The following SPTA1 variants were observed in gnomAD, a reference collection of about 807,000 sequenced individuals.
SPTA1 encodes the protein spectrin alpha chain, erythrocytic 1.
A neutral mutation model predicts 324.7 loss-of-function variants in SPTA1; 177 were observed. The observed-to-expected ratio is 0.55, with a 90% CI of 0.48 to 0.62. SPTA1 has a LOEUF of 0.62. SPTA1 is among the 20% of genes least tolerant of loss of function. SPTA1 has a pLI of 0.00. For synonymous variants in SPTA1, 1,195 were observed against 1,041.3 expected, an observed-to-expected ratio of 1.15 and a Z score of -2.84; for missense variants, 3,162 against 2,883.6, an observed-to-expected ratio of 1.10 and a Z score of -2.21.
chr1:158,613,106 T>A, intron 50 of SPTA1, 145 bp from the exon 51 acceptor site: 1 of 865,558 alleles, frequency 1.2e-6, no homozygotes. Flanking sequence ...ATGAGATGGG[T>A]TATGCTCTCC....
intron 39 of SPTA1, 92 bp downstream of exon 39, chr1:158,634,451 A>G: frequency 2.0e-6 from 3 of 1,536,094 alleles, no homozygotes; most frequent in Non-Finnish European, 2.7e-6. Context: ...TCACCAGAAA[A>G]ATGTCCTAAT....
At chr1:158,679,462 G>A (rs1251096258) in intron 5 of SPTA1, among the ~76,000 whole-genome samples, 1 of 152,034 alleles carries the variant, frequency 6.6e-6, no homozygotes, top group Non-Finnish European at 1.5e-5. Context: ...ATGAGTTCCA[G>A]CACCTAGGCC....
chr1:158,627,031 A>C lies in SPTA1; in HGVS notation c.5665-24T>G, dbSNP rs41273521. ...ACCTGTGAGAAGGGGAGAGACAAAT[A>C]TATTTATAATGTGCAGGGCTGGAAA... On this transcript the variant is annotated intron_variant, in intron 40 of 51. Coordinates refer to ENST00000643759, the MANE Select transcript of SPTA1 (RefSeq NM_003126.4). The C allele has an allele frequency of 1.8e-5, 29 of 1,613,158 alleles. 1 individual carries two copies. In the Middle Eastern group the frequency reaches 1.8e-3, roughly 101 times the overall value.
intron 38 of SPTA1, 25 bp downstream of exon 38, chr1:158,635,888 A>T: frequency 5.0e-6 from 8 of 1,614,088 alleles, no homozygotes; most frequent in Non-Finnish European, 5.9e-6. Flanking sequence ...CAGGAAGGGA[A>T]CTGGGCCTTC....
intron 42 of SPTA1, 105 bp downstream of exon 42, chr1:158,626,039 CAG>C: frequency 1.1e-6 from 1 of 907,320 alleles, no homozygotes; most frequent in Non-Finnish European, 1.8e-6. Flanking sequence ...GAAAATCTTA[CAG>C]AGGCTACAGA....
chr1:158,650,014 G>A (rs555425662), intron 24 of SPTA1, 67 bp from the exon 25 acceptor site: 3 of 1,041,872 alleles, frequency 2.9e-6, no homozygotes, highest in Non-Finnish European at 4.5e-6. Context: ...GGCGTCTGAA[G>A]ACCAGACAAG....
intron 12 of SPTA1, 54 bp downstream of exon 12, chr1:158,671,288 TA>T (rs2101914215): frequency 2.3e-6 from 3 of 1,323,992 alleles, no homozygotes; most frequent in East Asian, 2.3e-5. Context: ...AGGTATTGTG[TA>T]AAATTATGTA....
chr1:158,665,391 A>C (rs1653519392), intron 16 of SPTA1, among the ~76,000 whole-genome samples: 1 of 151,906 alleles, frequency 6.6e-6, no homozygotes, highest in African/African-American at 2.4e-5. Flanking sequence ...TTTTCCATTT[A>C]ACTCAGAGTG....
At chr1:158,645,419 C>T in intron 28 of SPTA1, 34 bp from the exon 29 acceptor site, 2 of 1,613,896 alleles carry the variant, frequency 1.2e-6, no homozygotes, top group Non-Finnish European at 1.7e-6. Flanking sequence ...TCAGTGAGGC[C>T]AACTCCATTG....
At chr1:158,681,789 C>T (rs951356486) in intron 3 of SPTA1, 122 bp from the exon 4 acceptor site, 1 of 1,260,314 alleles carries the variant, frequency 7.9e-7, no homozygotes, top group African/African-American at 1.5e-5. Flanking sequence ...GCATTAGTTG[C>T]TCAACAAACA....
chr1:158,648,569 A>T lies in SPTA1; in HGVS notation c.3654T>A (p.Val1218=), dbSNP rs919489897. The part of the protein sequence containing the change: ...AADPGSDLFS[V]QALQRRHEGF... ...CCTCATGCCGTCGCTGAAGAGCCTG[A>T]ACACTGAACAGATCTGAGCCAGGGT... Residue 1218 remains valine (V), a synonymous_variant, in exon 26 of 52, where the codon GTT becomes GTA. Transcript: ENST00000643759. 6.2e-7 allele frequency: 1 copy of T among 1,614,030 alleles called. No homozygotes were observed. The highest frequency in any genetic ancestry group is 8.5e-7 in the Non-Finnish European group (1 of 1,179,978).
Position 158,677,756 on chromosome 1 carries a change from A to C in SPTA1, c.891T>G (p.Val297=), listed in dbSNP as rs1341728899. The C allele has an allele frequency of 3.7e-6, 6 of 1,613,748 alleles. No individual in the cohort carries two copies. The highest frequency in any genetic ancestry group is 1.7e-5 in the Admixed American group (1 of 59,980). Residue 297 remains valine (V), a synonymous_variant, in exon 7 of 52, where the codon GTT becomes GTG. Transcript: ENST00000643759. ...GACTGTGAAACAGTCCTTCAGAGGC[A>C]ACAAGGTCTTTGCCATAGTCCTCAG... The part of the protein sequence containing the change: ...LTSEDYGKDL[V]ASEGLFHSHK...
chr1:158,676,435 C>G, intron 7 of SPTA1, 140 bp from the exon 8 acceptor site: 2 of 836,382 alleles, frequency 2.4e-6, no homozygotes, highest in South Asian at 3.3e-5. Flanking sequence ...TATTAATATA[C>G]TAATGTACTA....
chr1:158,667,074 C>T (rs6695815), intron 15 of SPTA1, among the ~76,000 whole-genome samples: 11,697 of 152,062 alleles, frequency 0.077, 1,544 homozygotes, highest in African/African-American at 0.27. Flanking sequence ...AAAGGAATTG[C>T]TGTGTCTCCT....
chr1:158,612,233 A>C (rs1471746549), intron 51 of SPTA1: 1 of 157,556 alleles, frequency 6.3e-6, no homozygotes, highest in Non-Finnish European at 1.4e-5. Context: ...CTTTCCTTTG[A>C]TGACTTGATG....
intron 34 of SPTA1, 32 bp downstream of exon 34, chr1:158,639,838 C>A (rs1557944381): frequency 1.2e-6 from 2 of 1,613,838 alleles, no homozygotes; most frequent in Non-Finnish European, 1.7e-6. Context: ...GTATTAAACT[C>A]TTGTGTCTCT....
chr1:158,649,722 A>T (rs1652277422), intron 25 of SPTA1, 134 bp downstream of exon 25: 5 of 754,098 alleles, frequency 6.6e-6, no homozygotes, highest in Non-Finnish European at 1.1e-5. Flanking sequence ...CTACTAAAAA[A>T]CCTAATTTTC....
At chr1:158,644,103 C>G (rs1478604632) in intron 30 of SPTA1, 150 bp downstream of exon 30, 1 of 1,086,132 alleles carries the variant, frequency 9.2e-7, no homozygotes, top group Admixed American at 2.3e-5. Flanking sequence ...CACCACTGCA[C>G]TCCAGCCTGG....
rs1177666808 is a variant in SPTA1 at position 158,666,481 on chromosome 1, C to T, written c.2055G>A (p.Glu685=). ...TTTCAAATTGCAGCTGCTGGTTGGC[C>T]TCATGCAACTGGGTCCCTGGGAGAA... ...ATKQKGTQLH[E]ANQQLQFENN... The change falls in exon 16 of 52, where the codon GAG becomes GAA. Residue 685 remains glutamate (E), a synonymous_variant. Coordinates refer to ENST00000643759, the MANE Select transcript of SPTA1 (RefSeq NM_003126.4). 6.2e-7 allele frequency: 1 copy of T among 1,609,472 alleles called. No homozygotes were observed. The highest frequency in any genetic ancestry group is 1.1e-5 in the South Asian group (1 of 91,066).
Sources: gnomAD v4.1 joint callset for allele counts (sites outside exome capture counted in the v4.1 genomes callset) on GRCh38, gnomAD v4.1.1 for gene constraint, MANE v1.5 for transcripts, NCBI Gene and HGNC (gene_info 2026-07-23, HGNC 2026-07-21) for gene names.